DPT: variants seen among roughly 807,000 people sequenced by gnomAD.
DPT encodes the protein tyrosine-rich acidic matrix protein.
In DPT, 21 loss-of-function variants were observed where a neutral mutation model predicts 31.2. The ratio of observed to expected loss-of-function variants is 0.67; its 90% confidence interval spans 0.48 to 0.97. The LOEUF (loss-of-function observed/expected upper bound fraction) is 0.97. Ranked by LOEUF, DPT falls within the 50% of genes least tolerant of loss-of-function variation. The pLI is 0.00. For synonymous variants in DPT, 91 were observed against 86.9 expected, an observed-to-expected ratio of 1.05 and a Z score of -0.26; for missense variants, 262 against 258.8, an observed-to-expected ratio of 1.01 and a Z score of -0.08.
intron 1 of DPT, among the ~76,000 whole-genome samples, chr1:168,720,601 C>CT (rs1468536613): frequency 4.6e-5 from 7 of 152,022 alleles, no homozygotes; most frequent in African/African-American, 7.2e-5. Flanking sequence ...TTGTGCTGGT[C>CT]TTTTTTTTCC....
rs10656421 is a variant in DPT, at chr1:168,702,612, C to CTTTTTTTTT, written c.432-1497_432-1489dup. 9.2e-3 allele frequency among the ~76,000 whole-genome samples: 1,213 copies of CTTTTTTTTT among 132,316 alleles called. 32 individuals are homozygous for CTTTTTTTTT. The highest frequency in any genetic ancestry group is 0.033 in the African/African-American group (1,163 of 35,210). 86.8% of individuals were successfully genotyped at this position (132,316 alleles called of 152,430 possible). ...AGGACTTTACCTTTCAGGTAAATGT[C>CTTTTTTTTT]TTTTTTTTTTTTTTTTTGAGACCAA... On this transcript the variant is annotated intron_variant, in intron 2 of 3. Coordinates refer to ENST00000367817, the MANE Select transcript of DPT (RefSeq NM_001937.5).
At chr1:168,698,043 A>C (rs1443480577) in intron 3 of DPT, among the ~76,000 whole-genome samples, 1 of 152,184 alleles carries the variant, frequency 6.6e-6, no homozygotes, top group East Asian at 1.9e-4. Context: ...AGAATTATCT[A>C]TCTCCCTTTT....
intron 2 of DPT, 72 bp from the exon 3 acceptor site, chr1:168,701,196 C>T: frequency 8.5e-7 from 1 of 1,180,964 alleles, no homozygotes; most frequent in Non-Finnish European, 1.3e-6. Flanking sequence ...AGAAGACACA[C>T]TATGAAGAAG....
At chr1:168,717,182 G>T (rs896623827) in intron 1 of DPT, among the ~76,000 whole-genome samples, 8 of 152,214 alleles carry the variant, frequency 5.3e-5, no homozygotes, top group Non-Finnish European at 8.8e-5. Context: ...CAGTGTAAAA[G>T]AATTCCTATT....
At chr1:168,727,136 C>T (rs1053255818) in intron 1 of DPT, among the ~76,000 whole-genome samples, 4 of 152,230 alleles carry the variant, frequency 2.6e-5, no homozygotes, top group African/African-American at 9.6e-5. Flanking sequence ...GCTCTGCTGA[C>T]AGAGTCAGCT....
At chr1:168,700,984 C>T (rs750592450) in intron 3 of DPT, 33 bp downstream of exon 3, 2 of 1,506,838 alleles carry the variant, frequency 1.3e-6, no homozygotes, top group Admixed American at 1.7e-5. Context: ...CTCCTTTAAC[C>T]CTAGCCCATT....
In DPT at chr1:168,702,816, T is replaced by G. The variant is rs576997302; in HGVS notation, c.432-1692A>C. ...TAATAGGGACGGGGTTTCACCATGT[T>G]GGCCAGGCTGGTCTGGAACTCCTGA... On this transcript the variant is annotated intron_variant, in intron 2 of 3. Transcript: ENST00000367817. Among the ~76,000 whole-genome samples, 13 of 152,198 alleles carry G rather than the reference T, an allele frequency of 8.5e-5. No homozygotes were observed. The South Asian group carries it at 2.7e-3, about 32-fold the overall frequency.
chr1:168,698,876 C>T (rs1315435412), intron 3 of DPT, among the ~76,000 whole-genome samples: 2 of 152,130 alleles, frequency 1.3e-5, no homozygotes, highest in South Asian at 2.1e-4. Flanking sequence ...CATCTTTCAG[C>T]AGAGGAGAAG....
At chr1:168,710,240 A>T (rs1280776664) in intron 2 of DPT, among the ~76,000 whole-genome samples, 1 of 152,208 alleles carries the variant, frequency 6.6e-6, no homozygotes, top group Admixed American at 6.5e-5. Flanking sequence ...GTTTTCTTTG[A>T]AAAAATACCA....
intron 2 of DPT, among the ~76,000 whole-genome samples, chr1:168,712,289 G>T (rs1360705744): frequency 6.6e-6 from 1 of 152,024 alleles, no homozygotes; most frequent in African/African-American, 2.4e-5. Context: ...GGCTGTCCAT[G>T]TTCCCCTTCC....
intron 1 of DPT, among the ~76,000 whole-genome samples, chr1:168,718,603 C>T (rs888880863): frequency 3.3e-5 from 5 of 152,138 alleles, no homozygotes; most frequent in African/African-American, 9.7e-5. Context: ...CTGTGGGGAG[C>T]AGATAGTAGA....
intron 1 of DPT, among the ~76,000 whole-genome samples, chr1:168,721,580 A>C (rs1650115230): frequency 6.6e-6 from 1 of 152,182 alleles, no homozygotes; most frequent in African/African-American, 2.4e-5. Flanking sequence ...GAGCCTCAGA[A>C]AGCACATATC....
chr1:168,722,388 T>G (rs1028127293), intron 1 of DPT, among the ~76,000 whole-genome samples: 1 of 152,218 alleles, frequency 6.6e-6, no homozygotes, highest in Non-Finnish European at 1.5e-5. Context: ...AACTCCAGCT[T>G]TGTAATTTAC....
chr1:168,708,915 G>A (rs1485009024), intron 2 of DPT, among the ~76,000 whole-genome samples: 2 of 152,202 alleles, frequency 1.3e-5, no homozygotes, highest in Non-Finnish European at 2.9e-5. Context: ...GTGCTTTGGG[G>A]TGGGAGAGAT....
intron 1 of DPT, among the ~76,000 whole-genome samples, chr1:168,726,672 A>C (rs1426499478): frequency 6.6e-6 from 1 of 152,206 alleles, no homozygotes; most frequent in Non-Finnish European, 1.5e-5. Context: ...GGCACAAAAA[A>C]CGGCTGTTAG....
At chr1:168,699,302 T>A (rs1352880601) in intron 3 of DPT, among the ~76,000 whole-genome samples, 1 of 152,078 alleles carries the variant, frequency 6.6e-6, no homozygotes, top group African/African-American at 2.4e-5. Flanking sequence ...GTTCTTTGAG[T>A]TCTTGAGCCT....
intron 1 of DPT, among the ~76,000 whole-genome samples, chr1:168,723,710 G>A (rs1650171470): frequency 6.6e-6 from 1 of 152,120 alleles, no homozygotes; most frequent in Non-Finnish European, 1.5e-5. Context: ...TCAGTCTCAT[G>A]GCCTTTATTC....
chr1:168,712,124 A>T (rs768681552), intron 2 of DPT, among the ~76,000 whole-genome samples: 8 of 152,214 alleles, frequency 5.3e-5, no homozygotes, highest in Non-Finnish European at 1.0e-4. Flanking sequence ...AAATACAAAG[A>T]TCAGTGAGTG....
In DPT at chr1:168,720,604, T is replaced by A. The variant is rs138964664; in HGVS notation, c.306-6258A>T. ...TAGATGGGCTGGTTGTGCTGGTCTT[T>A]TTTTTCCCAGCTTCACAGACACACA... On this transcript the variant is annotated intron_variant, in intron 1 of 3. Coordinates refer to ENST00000367817, the MANE Select transcript of DPT (RefSeq NM_001937.5). Among the ~76,000 whole-genome samples the A allele has an allele frequency of 6.0e-3, 909 of 152,242 alleles. 8 individuals are homozygous for A. The highest frequency in any genetic ancestry group is 0.021 in the African/African-American group (861 of 41,542).
Sources: gnomAD v4.1 joint callset for allele counts (sites outside exome capture counted in the v4.1 genomes callset) on GRCh38, gnomAD v4.1.1 for gene constraint, MANE v1.5 for transcripts, NCBI Gene and HGNC (gene_info 2026-07-23, HGNC 2026-07-21) for gene names.